HMBOX1: variants seen among roughly 807,000 people sequenced by gnomAD.
HMBOX1 encodes homeobox containing 1, also known as homeobox-containing protein 1.
Under a neutral mutation model 54.5 loss-of-function variants are expected in HMBOX1, and 14 were observed. The observed-to-expected ratio is 0.26, with a 90% CI of 0.17 to 0.40. The LOEUF (loss-of-function observed/expected upper bound fraction) is 0.40, where lower values mean the gene tolerates loss of function less well. Among genes scored for constraint, HMBOX1 ranks in the 10% least tolerant of loss-of-function variants. The probability of loss-of-function intolerance (pLI) is 1.00; values close to 1 mark genes in which losing one functional copy is unlikely to be tolerated. For synonymous variants in HMBOX1, 160 were observed against 181.0 expected, an observed-to-expected ratio of 0.88 and a Z score of 0.93; for missense variants, 332 against 514.4, an observed-to-expected ratio of 0.65 and a Z score of 3.43.
At chr8:28,953,828 C>A (rs1823939504) in intron 1 of HMBOX1, among the ~76,000 whole-genome samples, 1 of 152,150 alleles carries the variant, frequency 6.6e-6, no homozygotes, top group African/African-American at 2.4e-5. Flanking sequence ...TCTCCTCTTT[C>A]TGCTCTTTTA....
intron 4 of HMBOX1, among the ~76,000 whole-genome samples, chr8:29,000,621 G>A (rs2132712969): frequency 6.6e-6 from 1 of 152,346 alleles, no homozygotes; most frequent in Middle Eastern, 3.4e-3. Context: ...TATTCACACT[G>A]AGTGAGATCT....
intron 6 of HMBOX1, among the ~76,000 whole-genome samples, chr8:29,035,834 C>A (rs962504490): frequency 6.6e-6 from 1 of 152,182 alleles, no homozygotes; most frequent in African/African-American, 2.4e-5. Context: ...CTCAGTTTTT[C>A]TTTAAGTTGG....
intron 2 of HMBOX1, among the ~76,000 whole-genome samples, chr8:28,965,857 T>G (rs1315176112): frequency 6.6e-6 from 1 of 152,176 alleles, no homozygotes; most frequent in Non-Finnish European, 1.5e-5. Flanking sequence ...GAGGTGACAT[T>G]CCTGAGAGGA....
At position 29,009,443 on chromosome 8, in the gene HMBOX1, A is replaced by G. The variant is rs1048866461; in HGVS notation, c.697+261A>G. 19 of 981,396 alleles carry G rather than the reference A, an allele frequency of 1.9e-5. No individual in the cohort carries two copies. In the African/African-American group the frequency reaches 3.3e-4, roughly 17 times the overall value. The allele number at this position is 981,396 out of a possible 1,614,324, so 60.8% of individuals were successfully genotyped here. ...TTCAGGTTATATGATATTTCTAGCCATAGTTTGAAAGAACGCTATGAATGT... is the reference window on the plus strand; with the variant it reads ...TTCAGGTTATATGATATTTCTAGCCGTAGTTTGAAAGAACGCTATGAATGT... On this transcript the variant is annotated intron_variant, in intron 5 of 9. Transcript: ENST00000287701.
chr8:29,014,192 G>A (rs1320129260), intron 5 of HMBOX1, among the ~76,000 whole-genome samples: 1 of 151,952 alleles, frequency 6.6e-6, no homozygotes, highest in Admixed American at 6.6e-5. Flanking sequence ...AAGAGTTTTG[G>A]GTTTTTTTTT....
At chr8:29,008,055 C>T (rs1044721643) in intron 4 of HMBOX1, among the ~76,000 whole-genome samples, 2 of 152,042 alleles carry the variant, frequency 1.3e-5, no homozygotes, top group African/African-American at 2.4e-5. Flanking sequence ...TTAAACGGGA[C>T]GAGTCGACAC....
intron 1 of HMBOX1, among the ~76,000 whole-genome samples, chr8:28,894,039 C>G (rs1248385854): frequency 6.6e-6 from 1 of 152,028 alleles, no homozygotes; most frequent in Non-Finnish European, 1.5e-5. Flanking sequence ...ATAGATAAAC[C>G]GAATAGTGCT....
intron 1 of HMBOX1, among the ~76,000 whole-genome samples, chr8:28,950,394 C>G (rs1206128368): frequency 6.6e-6 from 1 of 152,188 alleles, no homozygotes; most frequent in Non-Finnish European, 1.5e-5. Flanking sequence ...GTTCTACCTG[C>G]TGTAATACAT....
In HMBOX1 at chr8:28,893,921, C is replaced by T. The variant is rs1007550685; in HGVS notation, c.-58+3243C>T. ...CTCTTGCTTCTCTTATTTTTGTATACAGCTCTTTAAACCTGAATTATTTCT... is the reference window on the plus strand; with the variant it reads ...CTCTTGCTTCTCTTATTTTTGTATATAGCTCTTTAAACCTGAATTATTTCT... On this transcript the variant is annotated intron_variant, in intron 1 of 9. Coordinates refer to ENST00000287701, the MANE Select transcript of HMBOX1 (RefSeq NM_001135726.3). 1.2e-4 allele frequency among the ~76,000 whole-genome samples: 19 copies of T among 152,268 alleles called. No individual in the cohort carries two copies. In the East Asian group the frequency reaches 3.5e-3, roughly 28 times the overall value.
chr8:28,939,847 C>G (rs1292816794), intron 1 of HMBOX1, among the ~76,000 whole-genome samples: 1 of 152,046 alleles, frequency 6.6e-6, no homozygotes, highest in Non-Finnish European at 1.5e-5. Context: ...TAACCTCACA[C>G]TCTGATTGCA....
chr8:29,042,355 C>T (rs753932205), intron 6 of HMBOX1, among the ~76,000 whole-genome samples: 6 of 152,134 alleles, frequency 3.9e-5, no homozygotes, highest in Non-Finnish European at 8.8e-5. Flanking sequence ...ATGCTCAGAA[C>T]AGTGTACAAG....
chr8:28,910,540 G>C (rs1815216392), intron 1 of HMBOX1, among the ~76,000 whole-genome samples: 1 of 152,066 alleles, frequency 6.6e-6, no homozygotes, highest in Non-Finnish European at 1.5e-5. Context: ...TCACATCCTT[G>C]TCAACACTTG....
chr8:28,963,181 G>A (rs915463590), intron 1 of HMBOX1, among the ~76,000 whole-genome samples: 1 of 151,878 alleles, frequency 6.6e-6, no homozygotes. Flanking sequence ...TTGGGGTTTC[G>A]CCATGTTGGT....
intron 5 of HMBOX1, among the ~76,000 whole-genome samples, chr8:29,015,342 C>T (rs756813468): frequency 3.3e-5 from 5 of 152,186 alleles, no homozygotes; most frequent in African/African-American, 4.8e-5. Context: ...ACCCTCCATC[C>T]TGAAGCTCTT....
At chr8:28,992,004 A>G (rs894875620) in intron 4 of HMBOX1, among the ~76,000 whole-genome samples, 1 of 152,234 alleles carries the variant, frequency 6.6e-6, no homozygotes, top group African/African-American at 2.4e-5. Context: ...CCCAGGCTTA[A>G]GGGGATTGAC....
At chr8:28,898,737 G>A (rs963691095) in intron 1 of HMBOX1, among the ~76,000 whole-genome samples, 2 of 152,164 alleles carry the variant, frequency 1.3e-5, no homozygotes, top group African/African-American at 4.8e-5. Flanking sequence ...GTGTTGACTT[G>A]AACTGTTCTT....
At chr8:29,007,193 G>A (rs1366016896) in intron 4 of HMBOX1, among the ~76,000 whole-genome samples, 1 of 151,924 alleles carries the variant, frequency 6.6e-6, no homozygotes, top group Non-Finnish European at 1.5e-5. Flanking sequence ...GGAGGCTGAG[G>A]CGGGGGAATC....
intron 4 of HMBOX1, among the ~76,000 whole-genome samples, chr8:29,001,330 A>G (rs911210865): frequency 6.6e-6 from 1 of 152,188 alleles, no homozygotes; most frequent in Non-Finnish European, 1.5e-5. Context: ...CGGGTGGCTC[A>G]CCTAAGGTCA....
intron 1 of HMBOX1, among the ~76,000 whole-genome samples, chr8:28,919,865 G>A (rs2131771854): frequency 6.6e-6 from 1 of 152,212 alleles, no homozygotes; most frequent in Admixed American, 6.5e-5. Context: ...AAATTCTTTT[G>A]TAAAATGAAT....
Sources: allele counts gnomAD v4.1 joint callset (sites outside exome capture counted in the v4.1 genomes callset), GRCh38; gene constraint gnomAD v4.1.1; transcripts MANE v1.5; gene names NCBI Gene and HGNC (gene_info 2026-07-23, HGNC 2026-07-21).